Variants in NR4A1 observed in about 807,000 individuals in gnomAD.
NR4A1 encodes nuclear receptor subfamily 4 group A member 1, also known as nuclear receptor subfamily 4immunitygroup A member 1.
Under a neutral mutation model 47.5 loss-of-function variants are expected in NR4A1, and 24 were observed. The ratio of observed to expected loss-of-function variants is 0.50; its 90% CI spans 0.37 to 0.71. The LOEUF is 0.71. Among genes scored for constraint, NR4A1 ranks in the 30% least tolerant of loss-of-function variants. The probability of loss-of-function intolerance (pLI) is 0.00; values close to 1 mark genes in which losing one functional copy is unlikely to be tolerated. For synonymous variants in NR4A1, 353 were observed against 345.7 expected, an observed-to-expected ratio of 1.02 and a Z score of -0.24; for missense variants, 669 against 788.6, an observed-to-expected ratio of 0.85 and a Z score of 1.82.
chr12:52,057,316 C>T, intron 5 of NR4A1, 36 bp from the exon 6 acceptor site: 1 of 1,614,010 alleles, frequency 6.2e-7, no homozygotes, highest in Non-Finnish European at 8.5e-7. Context: ...GCCTGTGAAC[C>T]ACCCTGATCG....
intron 1 of NR4A1, 62 bp downstream of exon 1, chr12:52,051,630 T>G: frequency 3.0e-5 from 28 of 941,644 alleles, no homozygotes; most frequent in Admixed American, 6.2e-5. Context: ...GAGATGGGTG[T>G]ACGCGCGGGC....
intron 2 of NR4A1, among the ~76,000 whole-genome samples, chr12:52,042,645 C>T (rs1420955859): frequency 6.6e-6 from 1 of 152,176 alleles, no homozygotes; most frequent in Non-Finnish European, 1.5e-5. Flanking sequence ...CAAGCACAGG[C>T]ACCTGGTCTG....
Position 52,055,145 on chromosome 12 carries a change from A to G in NR4A1, c.817A>G (p.Asn273Asp). Residue 273 changes from asparagine (N) to aspartate (D), a missense_variant, in exon 2 of 7, where the codon AAC becomes GAC. Transcript: ENST00000394825. ...AGGCCGCTGTGCTGTGTGTGGGGAC[A>G]ACGCTTCATGCCAGCATTATGGTGT... is the stretch of plus-strand genomic sequence containing the variant. ...SEGRCAVCGD[N>D]ASCQHYGVRT... The G allele has an allele frequency of 6.2e-7, 1 of 1,614,052 alleles. No individual in the cohort carries two copies. Among genetic ancestry groups the G allele is most frequent in the Non-Finnish European group, 8.5e-7 (1 of 1,180,042 alleles).
chr12:52,028,459 A>G (rs1938047874), intron 1 of NR4A1, among the ~76,000 whole-genome samples: 1 of 152,090 alleles, frequency 6.6e-6, no homozygotes, highest in Admixed American at 6.6e-5. Flanking sequence ...CTGTAGTCCC[A>G]GCAACTTGGG....
At chr12:52,038,783 G>T (rs1938333640) in intron 1 of NR4A1, 4 of 762,418 alleles carry the variant, frequency 5.2e-6, no homozygotes, top group African/African-American at 5.1e-5. Flanking sequence ...GAGATTAACG[G>T]TGTGAATGTG....
chr12:52,056,695 G>T, intron 4 of NR4A1, 50 bp downstream of exon 4: 1 of 1,508,312 alleles, frequency 6.6e-7, no homozygotes, highest in East Asian at 2.3e-5. Flanking sequence ...AGCACATGCA[G>T]TGCCTTTGTG....
upstream of NR4A1, among the ~76,000 whole-genome samples, chr12:52,049,295 A>C (rs1938802547): frequency 1.3e-5 from 2 of 152,138 alleles, no homozygotes; most frequent in African/African-American, 4.8e-5. Context: ...TCCCCATATG[A>C]GTGGACCTAC....
intron 2 of NR4A1, chr12:52,042,074 T>A: frequency 2.1e-6 from 2 of 958,156 alleles, no homozygotes; most frequent in Non-Finnish European, 1.4e-6. Context: ...TGCTGTTCAG[T>A]GTGCGGGATC....
chr12:52,048,480 G>T (rs1271606926), upstream of NR4A1, among the ~76,000 whole-genome samples: 1 of 152,054 alleles, frequency 6.6e-6, no homozygotes, highest in African/African-American at 2.4e-5. Context: ...TGTAGTCCCA[G>T]TGACTCGGGA....
chr12:52,036,859 G>A (rs1444442955), intron 1 of NR4A1, among the ~76,000 whole-genome samples: 2 of 152,176 alleles, frequency 1.3e-5, no homozygotes, highest in Non-Finnish European at 2.9e-5. Context: ...TCTTCCTGGG[G>A]AAGCCCCGGC....
At chr12:52,025,177 A>T (rs1257283294) in intron 1 of NR4A1, among the ~76,000 whole-genome samples, 1 of 150,200 alleles carries the variant, frequency 6.7e-6, no homozygotes, top group African/African-American at 2.5e-5. Context: ...CTCCTGCCTC[A>T]GTCTCCCGAG....
chr12:52,044,185 C>G (rs972701093), intron 2 of NR4A1, among the ~76,000 whole-genome samples: 8 of 152,246 alleles, frequency 5.3e-5, no homozygotes, highest in African/African-American at 1.9e-4. Flanking sequence ...CCGTCCTCCT[C>G]TCCTCTCCAC....
chr12:52,044,592 A>G (rs1367239481), intron 2 of NR4A1, among the ~76,000 whole-genome samples: 2 of 152,234 alleles, frequency 1.3e-5, no homozygotes, highest in Non-Finnish European at 2.9e-5. Flanking sequence ...CTCTAAACGA[A>G]TCCAGAGCCT....
intron 1 of NR4A1, among the ~76,000 whole-genome samples, chr12:52,031,878 T>C (rs7976618): frequency 0.8 from 119,921 of 150,660 alleles, 48,432 homozygotes; most frequent in African/African-American, 0.88. Context: ...CTCACTGCAA[T>C]TTCCGTCTCC....
chr12:52,055,617 G>A (rs1193348575), intron 2 of NR4A1: 2 of 429,642 alleles, frequency 4.7e-6, no homozygotes, highest in Non-Finnish European at 8.2e-6. Context: ...GAGGGCTGGG[G>A]GTGGACTTGG....
chr12:52,026,598 C>T (rs1253712355), intron 1 of NR4A1, among the ~76,000 whole-genome samples: 1 of 152,184 alleles, frequency 6.6e-6, no homozygotes, highest in East Asian at 1.9e-4. Flanking sequence ...AGTGACTGGC[C>T]CAAGGCCACA....
In NR4A1 at chr12:52,054,576, C is replaced by G; in HGVS notation, c.248C>G (p.Ser83Cys). 1 of 1,614,154 alleles carries G rather than the reference C, an allele frequency of 6.2e-7. No individual in the cohort carries two copies. Among genetic ancestry groups the G allele is most frequent in the Non-Finnish European group, 8.5e-7 (1 of 1,180,012 alleles). Reference protein sequence around the residue: ...GTVQPCSSASSSASSTSSSSA... With the variant: ...GTVQPCSSASCSASSTSSSSA... ...GTCCAGCCATGCTCCTCAGCCTCCT[C>G]CTCGGCCTCCTCCACATCCTCGTCC... The change falls in exon 2 of 7, where the codon TCC (serine) becomes TGC (cysteine). Residue 83 changes from serine to cysteine, a missense_variant. Physicochemically the swap from Ser to Cys is moderately radical, Grantham distance 112 (BLOSUM62 -1). Coordinates refer to ENST00000394825, the MANE Select transcript of NR4A1 (RefSeq NM_173157.3).
intron 2 of NR4A1, among the ~76,000 whole-genome samples, chr12:52,045,793 A>T (rs1938611533): frequency 6.6e-6 from 1 of 152,186 alleles, no homozygotes; most frequent in Admixed American, 6.5e-5. Context: ...GTAGTGATAC[A>T]TGTGCTCATG....
At chr12:52,056,916 CT>C (rs1939302432) in intron 4 of NR4A1, 140 bp from the exon 5 acceptor site, 1 of 895,836 alleles carries the variant, frequency 1.1e-6, no homozygotes. Flanking sequence ...ATATGTGAGA[CT>C]TGGCAAGTGA....
Sources: gnomAD v4.1 joint callset for allele counts (sites outside exome capture counted in the v4.1 genomes callset) on GRCh38, gnomAD v4.1.1 for gene constraint, MANE v1.5 for transcripts, NCBI Gene and HGNC (gene_info 2026-07-23, HGNC 2026-07-21) for gene names.